MACROD2: variants seen among roughly 807,000 people sequenced by gnomAD.
The protein encoded by MACROD2 is mono-ADP ribosylhydrolase 2, also known as ADP-ribose glycohydrolase MACROD2.
A neutral mutation model predicts 70.4 loss-of-function variants in MACROD2; 36 were observed. The observed-to-expected ratio is 0.51, with a 90% CI of 0.39 to 0.68. MACROD2 has a LOEUF of 0.68. Ranked by LOEUF, MACROD2 falls within the 30% of genes least tolerant of loss-of-function variation. MACROD2 has a pLI of 0.00. For missense variants in MACROD2, 496 were observed against 538.4 expected, an observed-to-expected ratio of 0.92 and a Z score of 0.78; for synonymous variants, 172 against 178.8, an observed-to-expected ratio of 0.96 and a Z score of 0.30.
chr20:14,784,725 T>A (rs2072346601), intron 5 of MACROD2, among the ~76,000 whole-genome samples: 1 of 150,048 alleles, frequency 6.7e-6, no homozygotes, highest in African/African-American at 2.5e-5. Context: ...ACACTTGAAT[T>A]TTCTAACAGC....
In MACROD2 at chr20:14,053,708, TGTG is replaced by T. The variant is rs1245822574; in HGVS notation, c.164-31910_164-31908del. 4.6e-5 allele frequency: 7 copies of T among 152,310 alleles called. No individual in the cohort carries two copies. The East Asian group carries it at 1.2e-3, about 25-fold the overall frequency. The allele number at this position is 152,310 out of a possible 1,614,324, so 9.4% of individuals were successfully genotyped here. A position where few individuals can be genotyped will look rare whatever the true frequency, so the allele number is the denominator to read the frequency against. On this transcript the variant is annotated intron_variant, in intron 2 of 17. Coordinates refer to ENST00000684519, the MANE Select transcript of MACROD2 (RefSeq NM_001351661.2). ...GAAGTATGGTGATTTCTATTCATAT[TGTG>T]GTCAATTTTCTCAATTTTGTTTCCC...
chr20:14,764,795 T>G (rs1038702596), intron 5 of MACROD2, among the ~76,000 whole-genome samples: 2 of 152,148 alleles, frequency 1.3e-5, no homozygotes. Flanking sequence ...GTTACAGTGA[T>G]GCCTTCAATC....
At chr20:14,129,931 C>T (rs898953143) in intron 3 of MACROD2, among the ~76,000 whole-genome samples, 20 of 152,106 alleles carry the variant, frequency 1.3e-4, no homozygotes, top group African/African-American at 4.8e-4. Context: ...TTTATATGCA[C>T]TGGGAAACCA....
chr20:15,856,862 G>A (rs1197019347), intron 8 of MACROD2, among the ~76,000 whole-genome samples: 1 of 152,142 alleles, frequency 6.6e-6, no homozygotes, highest in African/African-American at 2.4e-5. Context: ...TTACAAGCGG[G>A]GATGGAAACT....
At chr20:16,037,267 C>A (rs1601362703) in intron 15 of MACROD2, among the ~76,000 whole-genome samples, 1 of 151,944 alleles carries the variant, frequency 6.6e-6, no homozygotes, top group African/African-American at 2.4e-5. Context: ...GTGTTTTGTA[C>A]CCTCCCTTAT....
intron 5 of MACROD2, among the ~76,000 whole-genome samples, chr20:14,736,358 G>C (rs1004852753): frequency 6.6e-6 from 1 of 152,106 alleles, no homozygotes; most frequent in Admixed American, 6.6e-5. Context: ...ATGGGTATGG[G>C]ATTTCCTTTT....
chr20:15,524,799 T>A (rs1323920988), intron 8 of MACROD2, among the ~76,000 whole-genome samples: 1 of 152,234 alleles, frequency 6.6e-6, no homozygotes, highest in African/African-American at 2.4e-5. Context: ...TTAAATAAAA[T>A]TAAAAGTTCA....
chr20:15,237,807 C>A (rs1488611119), intron 6 of MACROD2, among the ~76,000 whole-genome samples: 1 of 150,738 alleles, frequency 6.6e-6, no homozygotes, highest in African/African-American at 2.4e-5. Flanking sequence ...TTTTTTTTAT[C>A]TTTCCCCCTT....
At chr20:14,847,324 T>C (rs1215484560) in intron 5 of MACROD2, among the ~76,000 whole-genome samples, 1 of 152,160 alleles carries the variant, frequency 6.6e-6, no homozygotes, top group African/African-American at 2.4e-5. Flanking sequence ...AATCTAGTTT[T>C]CGACCTTAAG....
At chr20:14,732,483 T>A (rs1195132125) in intron 5 of MACROD2, among the ~76,000 whole-genome samples, 1 of 152,086 alleles carries the variant, frequency 6.6e-6, no homozygotes, top group Non-Finnish European at 1.5e-5. Flanking sequence ...GGGAAAAAAA[T>A]CAATAGTGTC....
At chr20:15,979,943 C>T (rs572793930) in intron 13 of MACROD2, among the ~76,000 whole-genome samples, 3 of 152,278 alleles carry the variant, frequency 2.0e-5, no homozygotes, top group African/African-American at 7.2e-5. Flanking sequence ...CAGCTGGGAG[C>T]ATCGACAAGC....
chr20:14,536,693 A>G (rs1347238260), intron 4 of MACROD2, among the ~76,000 whole-genome samples: 1 of 150,192 alleles, frequency 6.7e-6, no homozygotes, highest in African/African-American at 2.4e-5. Flanking sequence ...TTATGTGTGC[A>G]TGTATACATT....
At chr20:14,762,052 G>A (rs1300506939) in intron 5 of MACROD2, among the ~76,000 whole-genome samples, 1 of 152,030 alleles carries the variant, frequency 6.6e-6, no homozygotes, top group African/African-American at 2.4e-5. Flanking sequence ...CTGTTCTCCT[G>A]CCACCCTCTC....
chr20:15,902,898 C>T (rs1218086440), intron 10 of MACROD2, among the ~76,000 whole-genome samples: 1 of 151,856 alleles, frequency 6.6e-6, no homozygotes, highest in African/African-American at 2.4e-5. Context: ...CTAGGAAATG[C>T]CCAAGTGTGT....
At chr20:14,568,606 G>C (rs1425216312) in intron 4 of MACROD2, among the ~76,000 whole-genome samples, 1 of 151,936 alleles carries the variant, frequency 6.6e-6, no homozygotes, top group African/African-American at 2.4e-5. Context: ...AAAGGTGTTT[G>C]TTCAAACATG....
At chr20:14,126,579 C>T (rs2054653867) in intron 3 of MACROD2, among the ~76,000 whole-genome samples, 1 of 151,918 alleles carries the variant, frequency 6.6e-6, no homozygotes, top group Admixed American at 6.6e-5. Flanking sequence ...AATCTGTTGG[C>T]ACTGTTTTTT....
chr20:14,778,491 C>A (rs980057876), intron 5 of MACROD2, among the ~76,000 whole-genome samples: 2 of 151,976 alleles, frequency 1.3e-5, no homozygotes, highest in African/African-American at 4.8e-5. Flanking sequence ...AAAATGAATC[C>A]TCAAGTTGTC....
intron 15 of MACROD2, among the ~76,000 whole-genome samples, chr20:16,026,328 C>T (rs539834661): frequency 1.3e-5 from 2 of 152,172 alleles, no homozygotes; most frequent in Non-Finnish European, 2.9e-5. Context: ...TTCACTGCCA[C>T]AGATGGTGCA....
intron 5 of MACROD2, among the ~76,000 whole-genome samples, chr20:15,203,216 G>A (rs1356045967): frequency 6.6e-6 from 1 of 152,090 alleles, no homozygotes; most frequent in African/African-American, 2.4e-5. Context: ...TCGCAAATTA[G>A]TATAATTTTT....
Sources: allele counts gnomAD v4.1 joint callset (sites outside exome capture counted in the v4.1 genomes callset), GRCh38; gene constraint gnomAD v4.1.1; transcripts MANE v1.5; gene names NCBI Gene and HGNC (gene_info 2026-07-23, HGNC 2026-07-21).